Variants in IL1RAPL2 observed in about 807,000 individuals in gnomAD.
IL1RAPL2 encodes the protein X-linked interleukin-1 receptor accessory protein-like 2.
In IL1RAPL2, 3 loss-of-function variants were observed where a neutral mutation model predicts 44.1. That is an observed-to-expected ratio of 0.07 (90% CI 0.03 to 0.18). The LOEUF (loss-of-function observed/expected upper bound fraction) is 0.18. Ranked by LOEUF, IL1RAPL2 falls within the 10% of genes least tolerant of loss-of-function variation. The probability of loss-of-function intolerance (pLI) is 1.00; values close to 1 mark genes in which losing one functional copy is unlikely to be tolerated. For synonymous variants in IL1RAPL2, 181 were observed against 178.8 expected, an observed-to-expected ratio of 1.01 and a Z score of -0.10; for missense variants, 391 against 496.4, an observed-to-expected ratio of 0.79 and a Z score of 2.02.
chrX:105,598,989 G>A (rs2037231730), intron 6 of IL1RAPL2, among the ~76,000 whole-genome samples: 1 of 111,885 alleles, frequency 8.9e-6, no homozygotes, highest in East Asian at 2.8e-4. Context: ...GAGTAGGCAT[G>A]AAAATTCACA....
chrX:105,479,653 C>T (rs950974168), intron 5 of IL1RAPL2, among the ~76,000 whole-genome samples: 1 of 109,873 alleles, frequency 9.1e-6, no homozygotes, highest in Non-Finnish European at 1.9e-5. Context: ...GCAGGAGAAT[C>T]GCTTCAACCC....
At chrX:104,901,199 C>CTTTTTTTT (rs1194148816) in intron 2 of IL1RAPL2, among the ~76,000 whole-genome samples, 12 of 32,121 alleles carry the variant, frequency 3.7e-4, no homozygotes, top group Non-Finnish European at 4.5e-4. Context: ...TCTTTTGCTT[C>CTTTTTTTT]TTTTTTTTTT....
chrX:105,389,384 A>G (rs1392563058), intron 5 of IL1RAPL2, among the ~76,000 whole-genome samples: 2 of 112,007 alleles, frequency 1.8e-5, no homozygotes, highest in African/African-American at 6.5e-5. Flanking sequence ...CATTTTCTGT[A>G]AAAGTTGGCC....
At chrX:105,192,672 A>G (rs2033642305) in intron 2 of IL1RAPL2, among the ~76,000 whole-genome samples, 1 of 111,580 alleles carries the variant, frequency 9.0e-6, no homozygotes, top group African/African-American at 3.3e-5. Context: ...GCACGTAGGC[A>G]TTCATAGATC....
At chrX:105,487,733 G>C (rs754121810) in intron 6 of IL1RAPL2, among the ~76,000 whole-genome samples, 13 of 111,915 alleles carry the variant, frequency 1.2e-4, no homozygotes, top group Non-Finnish European at 2.4e-4. Flanking sequence ...TACCTCAATA[G>C]TCAGATGACA....
intron 2 of IL1RAPL2, among the ~76,000 whole-genome samples, chrX:105,111,594 GACA>G (rs1306570536): frequency 1.8e-5 from 2 of 111,921 alleles, no homozygotes; most frequent in Non-Finnish European, 3.8e-5. Context: ...ACAGAGCAAT[GACA>G]ACAATTCCTC....
chrX:104,663,644 G>A (rs1930440225), intron 2 of IL1RAPL2, among the ~76,000 whole-genome samples: 1 of 108,461 alleles, frequency 9.2e-6, no homozygotes, highest in Non-Finnish European at 1.9e-5. Context: ...TCTTTAATTA[G>A]GGTGACTTCT....
At chrX:104,642,722 T>C (rs1929957267) in intron 1 of IL1RAPL2, among the ~76,000 whole-genome samples, 1 of 111,717 alleles carries the variant, frequency 9.0e-6, no homozygotes, top group South Asian at 3.7e-4. Flanking sequence ...CCTGATCTTG[T>C]GGTCTGCCAA....
chrX:105,012,899 G>A (rs1048306739), intron 2 of IL1RAPL2, among the ~76,000 whole-genome samples: 18 of 109,974 alleles, frequency 1.6e-4, no homozygotes, highest in Non-Finnish European at 3.2e-4. Flanking sequence ...GATCTCTGGT[G>A]GTAAAACTCA....
chrX:104,993,612 A>T (rs1266558336), intron 2 of IL1RAPL2, among the ~76,000 whole-genome samples: 1 of 111,525 alleles, frequency 9.0e-6, no homozygotes, highest in Non-Finnish European at 1.9e-5. Context: ...GCTTTCAAAG[A>T]AGTGCAGATA....
At chrX:105,017,644 A>G (rs2031207923) in intron 2 of IL1RAPL2, among the ~76,000 whole-genome samples, 1 of 111,168 alleles carries the variant, frequency 9.0e-6, no homozygotes. Flanking sequence ...ATAGAGAAGA[A>G]TGCAAAGAGG....
intron 6 of IL1RAPL2, among the ~76,000 whole-genome samples, chrX:105,542,881 CTG>C (rs1156241065): frequency 9.1e-6 from 1 of 109,486 alleles, no homozygotes; most frequent in African/African-American, 3.3e-5. Flanking sequence ...AATGAGGTAA[CTG>C]AAGCATAGAG....
intron 2 of IL1RAPL2, among the ~76,000 whole-genome samples, chrX:104,820,195 A>G (rs1027352029): frequency 8.9e-6 from 1 of 111,795 alleles, no homozygotes; most frequent in Admixed American, 9.5e-5. Context: ...TATCGTTGTT[A>G]AAGTTTATAA....
chrX:105,432,129 CTTTTT>C (rs386417369), intron 5 of IL1RAPL2, among the ~76,000 whole-genome samples: 21 of 44,839 alleles, frequency 4.7e-4, no homozygotes, highest in African/African-American at 1.9e-3. Context: ...TTCAATTTGC[CTTTTT>C]TTTTTTTTTT....
intron 1 of IL1RAPL2, among the ~76,000 whole-genome samples, chrX:104,634,097 A>T (rs1929727836): frequency 9.0e-6 from 1 of 111,175 alleles, no homozygotes; most frequent in Admixed American, 9.5e-5. Context: ...TCATTTCGTT[A>T]TGTAGCCAGT....
chrX:105,484,223 A>G, intron 5 of IL1RAPL2, 90 bp from the exon 6 acceptor site: 1 of 703,684 alleles, frequency 1.4e-6, no homozygotes. Context: ...CATCAAGTCT[A>G]CAAACATTAA....
intron 5 of IL1RAPL2, among the ~76,000 whole-genome samples, chrX:105,400,186 C>A (rs2035597041): frequency 9.0e-6 from 1 of 111,175 alleles, no homozygotes; most frequent in Non-Finnish European, 1.9e-5. Flanking sequence ...TGTTCTTTTT[C>A]AAAACCACAA....
At chrX:105,037,992 C>T (rs2031658811) in intron 2 of IL1RAPL2, among the ~76,000 whole-genome samples, 1 of 111,710 alleles carries the variant, frequency 9.0e-6, no homozygotes, top group Non-Finnish European at 1.9e-5. Flanking sequence ...CTGTTAAGAG[C>T]ATGGTGAAAA....
At chrX:105,120,158 A>G (rs367642299) in intron 2 of IL1RAPL2, among the ~76,000 whole-genome samples, 1 of 107,743 alleles carries the variant, frequency 9.3e-6, no homozygotes, top group East Asian at 2.9e-4. Flanking sequence ...TGGGGCTGCA[A>G]GATAGCTTCT....
Sources: allele counts gnomAD v4.1 joint callset (sites outside exome capture counted in the v4.1 genomes callset), GRCh38; gene constraint gnomAD v4.1.1; transcripts MANE v1.5; gene names NCBI Gene and HGNC (gene_info 2026-07-23, HGNC 2026-07-21).